Variants in CEP112 observed in about 807,000 individuals in gnomAD.
The protein encoded by CEP112 is centrosomal protein of 112 kDa.
A neutral mutation model predicts 153.0 loss-of-function variants in CEP112; 127 were observed. The ratio of observed to expected loss-of-function variants is 0.83; its 90% CI spans 0.72 to 0.96. The LOEUF (loss-of-function observed/expected upper bound fraction) is 0.96, where lower values mean the gene tolerates loss of function less well. Ranked by LOEUF, CEP112 falls within the 40% of genes least tolerant of loss-of-function variation. The pLI, the probability that CEP112 is intolerant of heterozygous loss-of-function variation, is 0.00. For synonymous variants in CEP112, 358 were observed against 374.4 expected (o/e 0.96, Z 0.51); for missense variants, 1,089 against 1,101.2 (o/e 0.99, Z 0.16).
At chr17:65,772,106 A>G (rs1050503186) in intron 21 of CEP112, among the ~76,000 whole-genome samples, 1 of 152,208 alleles carries the variant, frequency 6.6e-6, no homozygotes, top group African/African-American at 2.4e-5. Flanking sequence ...CAGCTAAATC[A>G]GTACTTAGAG....
intron 24 of CEP112, among the ~76,000 whole-genome samples, chr17:65,682,866 G>A (rs1273144866): frequency 6.6e-6 from 1 of 152,080 alleles, no homozygotes; most frequent in Non-Finnish European, 1.5e-5. Context: ...AATCACACAC[G>A]TTGCATCTCT....
At chr17:65,898,253 T>C (rs75984286) in intron 20 of CEP112, among the ~76,000 whole-genome samples, 1 of 152,112 alleles carries the variant, frequency 6.6e-6, no homozygotes. Flanking sequence ...CTATACATAT[T>C]GTTAAATTTA....
intron 6 of CEP112, among the ~76,000 whole-genome samples, chr17:66,108,563 A>G (rs2068884240): frequency 6.6e-6 from 1 of 152,210 alleles, no homozygotes; most frequent in Non-Finnish European, 1.5e-5. Context: ...CTACAATGAG[A>G]TATCATCTCA....
At chr17:66,120,495 C>T (rs1374378828) in intron 6 of CEP112, among the ~76,000 whole-genome samples, 1 of 152,024 alleles carries the variant, frequency 6.6e-6, no homozygotes, top group African/African-American at 2.4e-5. Flanking sequence ...GCCACTGCGC[C>T]CAGCCTGTTG....
At chr17:66,185,490 G>A (rs1250051745) in intron 1 of CEP112, among the ~76,000 whole-genome samples, 1 of 152,128 alleles carries the variant, frequency 6.6e-6, no homozygotes, top group Non-Finnish European at 1.5e-5. Flanking sequence ...CAAAGTGCTG[G>A]CATTACAGGC....
intron 21 of CEP112, among the ~76,000 whole-genome samples, chr17:65,787,594 G>T (rs185914612): frequency 6.6e-6 from 1 of 152,144 alleles, no homozygotes; most frequent in Non-Finnish European, 1.5e-5. Flanking sequence ...GATTTAGTGG[G>T]TATATTTCTC....
intron 21 of CEP112, among the ~76,000 whole-genome samples, chr17:65,753,239 G>A (rs944932573): frequency 1.3e-5 from 2 of 152,054 alleles, no homozygotes; most frequent in African/African-American, 4.8e-5. Flanking sequence ...GTCATTGTTG[G>A]TTAACCTGTC....
chr17:65,673,744 AAGAT>A (rs2047092991), intron 24 of CEP112, among the ~76,000 whole-genome samples: 1 of 152,250 alleles, frequency 6.6e-6, no homozygotes, highest in South Asian at 2.1e-4. Flanking sequence ...CATAGGGAAA[AAGAT>A]AGAAGGTAAT....
intron 4 of CEP112, among the ~76,000 whole-genome samples, chr17:66,166,319 C>T (rs181357639): frequency 1.0e-3 from 152 of 152,218 alleles, no homozygotes; most frequent in African/African-American, 3.5e-3. Context: ...AACATTACTC[C>T]TCTTCACCCT....
chr17:65,677,547 C>G (rs1317763219), intron 24 of CEP112, among the ~76,000 whole-genome samples: 1 of 152,144 alleles, frequency 6.6e-6, no homozygotes, highest in African/African-American at 2.4e-5. Flanking sequence ...TCTGAATTGT[C>G]TGTTGCATTG....
intron 21 of CEP112, among the ~76,000 whole-genome samples, chr17:65,839,147 T>C (rs145676084): frequency 6.6e-6 from 1 of 152,144 alleles, no homozygotes; most frequent in African/African-American, 2.4e-5. Flanking sequence ...AAACTTACTC[T>C]ACAAGACCAG....
At chr17:66,140,375 A>G (rs1387250205) in intron 4 of CEP112, among the ~76,000 whole-genome samples, 1 of 152,186 alleles carries the variant, frequency 6.6e-6, no homozygotes, top group Non-Finnish European at 1.5e-5. Context: ...GAACAAGGCA[A>G]GAAGGCTCAC....
intron 19 of CEP112, among the ~76,000 whole-genome samples, chr17:65,909,118 C>T (rs1345451): frequency 0.42 from 63,202 of 152,004 alleles, 13,700 homozygotes; most frequent in South Asian, 0.64. Context: ...GACTAATATA[C>T]CCCAATAACA....
chr17:65,998,550 GA>G (rs71361252), intron 17 of CEP112, among the ~76,000 whole-genome samples: 50,183 of 151,092 alleles, frequency 0.33, 9,690 homozygotes, highest in Non-Finnish European at 0.45. Flanking sequence ...TCTTTAAAAA[GA>G]AAAAAAACTG....
intron 20 of CEP112, among the ~76,000 whole-genome samples, chr17:65,888,973 T>C (rs2059377376): frequency 1.3e-5 from 2 of 152,130 alleles, no homozygotes; most frequent in South Asian, 4.1e-4. Context: ...AGTTTGTGCT[T>C]CATTGGGTGA....
chr17:65,998,746 A>C (rs1225759863), intron 17 of CEP112, among the ~76,000 whole-genome samples: 4 of 152,142 alleles, frequency 2.6e-5, no homozygotes, highest in Admixed American at 6.5e-5. Flanking sequence ...CCTCTCAATA[A>C]TCTTAGAGGG....
At chr17:65,836,993 C>T (rs867323127) in intron 21 of CEP112, among the ~76,000 whole-genome samples, 24 of 152,284 alleles carry the variant, frequency 1.6e-4, no homozygotes, top group Admixed American at 6.5e-4. Flanking sequence ...TTGGTGGAGA[C>T]GGGGTTTCGC....
chr17:65,927,727 A>T, intron 18 of CEP112, 38 bp from the exon 19 acceptor site: 1 of 1,309,344 alleles, frequency 7.6e-7, no homozygotes, highest in South Asian at 1.4e-5. Flanking sequence ...TTTTTTAAAC[A>T]AACAATTGTG....
intron 23 of CEP112, among the ~76,000 whole-genome samples, chr17:65,711,513 A>G (rs546966633): frequency 6.6e-6 from 1 of 152,342 alleles, no homozygotes; most frequent in South Asian, 2.1e-4. Flanking sequence ...AGAAATGGGC[A>G]ACCATATTTA....
Sources: gnomAD v4.1 joint callset for allele counts (sites outside exome capture counted in the v4.1 genomes callset) on GRCh38, gnomAD v4.1.1 for gene constraint, MANE v1.5 for transcripts, NCBI Gene and HGNC (gene_info 2026-07-23, HGNC 2026-07-21) for gene names.